CMTM4: variants seen among roughly 807,000 people sequenced by gnomAD.
CMTM4 encodes CKLF-like MARVEL transmembrane domain-containing protein 4.
CMTM4 carries 8 observed loss-of-function variants against 19.0 expected under a neutral mutation model. That is an observed-to-expected ratio of 0.42 (90% CI 0.25 to 0.76). The LOEUF is 0.76. Ranked by LOEUF, CMTM4 falls within the 30% of genes least tolerant of loss-of-function variation. The pLI is 0.27. For synonymous variants in CMTM4, 106 were observed against 121.1 expected (o/e 0.88, Z 0.82); for missense variants, 228 against 290.2 (o/e 0.79, Z 1.56).
chr16:66,636,344 T>C, intron 2 of CMTM4, 61 bp downstream of exon 2: 1 of 1,407,192 alleles, frequency 7.1e-7, no homozygotes, highest in Non-Finnish European at 9.8e-7. Flanking sequence ...AGATTCCAGC[T>C]TTTCCTTGGA....
At position 66,679,780 on chromosome 16, in the gene CMTM4, C is replaced by T. The variant is rs1162232304; in HGVS notation, c.186+16560G>A. Among the ~76,000 whole-genome samples, 4 of 148,250 alleles carry T rather than the reference C, an allele frequency of 2.7e-5. No homozygotes were observed. The East Asian group carries it at 6.0e-4, about 22-fold the overall frequency. ...TGGAAGTTTCAGTGAACTGAGATCA[C>T]ACCACTGCACTCCAGCCTGGGTGAC... On this transcript the variant is annotated intron_variant, in intron 1 of 3. Transcript: ENST00000394106.
chr16:66,655,163 T>G (rs2016375722), intron 1 of CMTM4, among the ~76,000 whole-genome samples: 1 of 152,140 alleles, frequency 6.6e-6, no homozygotes, highest in South Asian at 2.1e-4. Context: ...TTTCTAATTT[T>G]TGTAGAGACA....
intron 1 of CMTM4, among the ~76,000 whole-genome samples, chr16:66,655,771 T>G (rs1031603059): frequency 6.6e-6 from 1 of 151,944 alleles, no homozygotes; most frequent in Non-Finnish European, 1.5e-5. Context: ...CTGGAACCAG[T>G]GTAGAGGGGT....
At chr16:66,630,335 CT>C (rs2015828268) in intron 2 of CMTM4, among the ~76,000 whole-genome samples, 1 of 116,906 alleles carries the variant, frequency 8.6e-6, no homozygotes, top group African/African-American at 3.2e-5. Context: ...CTCCCTCTCC[CT>C]CTCCCCACAG....
At chr16:66,611,689 G>T (rs1248088042), downstream of CMTM4, among the ~76,000 whole-genome samples, 2 of 152,054 alleles carry the variant, frequency 1.3e-5, no homozygotes, top group Non-Finnish European at 2.9e-5. Flanking sequence ...GGGGGTTAGT[G>T]ACTCTGGTGC....
intron 2 of CMTM4, among the ~76,000 whole-genome samples, chr16:66,635,580 G>A (rs1215521342): frequency 6.6e-6 from 1 of 152,136 alleles, no homozygotes; most frequent in Admixed American, 6.5e-5. Flanking sequence ...CTCAGGCAAG[G>A]GTAGCTGGTC....
chr16:66,618,485 G>C lies in CMTM4; in HGVS notation c.*3573C>G. 2.0e-6 allele frequency: 2 copies of C among 985,482 alleles called. No individual in the cohort carries two copies. The highest frequency in any genetic ancestry group is 2.4e-6 in the Non-Finnish European group (2 of 829,958). The allele number at this position is 985,482 out of a possible 1,614,324, so 61.0% of individuals were successfully genotyped here. ...ACCCACAGAAAATCTGGCACAGAAA[G>C]GGATTAGACCTCAGTCCACCTCTCA... On this transcript the variant is annotated 3_prime_UTR_variant, in exon 4 of 4. Coordinates refer to ENST00000394106, the MANE Select transcript of CMTM4 (RefSeq NM_181521.3).
In CMTM4 at chr16:66,615,633, A is replaced by G. The variant is rs2015512719; in HGVS notation, c.*6425T>C. The stretch of plus-strand genomic sequence containing the variant: ...GCTGAGGTCCCCCAGGAAGCTTCCC[A>G]CTCTGCAGTGGCAGGAAGGCCATGC... On this transcript the variant is annotated 3_prime_UTR_variant, in exon 4 of 4. Transcript: ENST00000394106. The surrounding 1 kb of genome is among the most constrained non-coding windows in gnomAD (Gnocchi z 4.9). 1 of 152,190 alleles carries G rather than the reference A, an allele frequency of 6.6e-6. No homozygotes were observed. Among genetic ancestry groups the G allele is most frequent in the East Asian group, 1.9e-4 (1 of 5,196 alleles). The allele number at this position is 152,190 out of a possible 1,614,324, so 9.4% of individuals were successfully genotyped here.
Position 66,620,587 on chromosome 16 carries a change from C to A in CMTM4, c.*1471G>T, listed in dbSNP as rs1230792943. On this transcript the variant is annotated 3_prime_UTR_variant, in exon 4 of 4. Coordinates refer to ENST00000394106, the MANE Select transcript of CMTM4 (RefSeq NM_181521.3). The stretch of plus-strand genomic sequence containing the variant: ...GCTTTCTTGCACAGACCCCCCGCCG[C>A]CCCCTCGGAGTTATTTATTACACAG... 6.1e-6 allele frequency: 6 copies of A among 985,428 alleles called. No homozygotes were observed. Among genetic ancestry groups the A allele is most frequent in the Non-Finnish European group, 7.2e-6 (6 of 829,988 alleles). 61.0% of individuals were successfully genotyped at this position (985,428 alleles called of 1,614,324 possible).
At chr16:66,609,689 A>T in the CMTM4 span, 2 of 1,523,844 alleles carry the variant, frequency 1.3e-6, no homozygotes, top group East Asian at 4.9e-5. This position sits in a 1 kb window ranked among gnomAD's most constrained non-coding sequence, Gnocchi z 4.4. Context: ...GACTGACTCT[A>T]CCCGGGGTTT....
At chr16:66,623,585 G>C (rs1170623917) in intron 2 of CMTM4, 83 bp from the exon 3 acceptor site, 33 of 922,916 alleles carry the variant, frequency 3.6e-5, no homozygotes, top group Non-Finnish European at 4.4e-5. Context: ...TTCAAAATAA[G>C]ACCCACGATA....
downstream of CMTM4, among the ~76,000 whole-genome samples, chr16:66,611,478 C>T (rs2015374670): frequency 6.6e-6 from 1 of 152,034 alleles, no homozygotes; most frequent in South Asian, 2.1e-4. Flanking sequence ...TAGCAAAACC[C>T]ACAAAATCTG....
intron 1 of CMTM4, among the ~76,000 whole-genome samples, chr16:66,660,587 A>G (rs2016483479): frequency 6.6e-6 from 1 of 152,236 alleles, no homozygotes. Flanking sequence ...TGTTACACAC[A>G]ATGTGACTAG....
rs913760077 is a variant in CMTM4 at position 66,619,629 on chromosome 16, C to T, written c.*2429G>A. On this transcript the variant is annotated 3_prime_UTR_variant, in exon 4 of 4. Coordinates refer to ENST00000394106, the MANE Select transcript of CMTM4 (RefSeq NM_181521.3). ...AAAAATATAGGCGTCTTCATATTCA[C>T]CTTGGATAACCCTATTCCCTCCAGA... 3 of 985,290 alleles carry T rather than the reference C, an allele frequency of 3.0e-6. No individual in the cohort carries two copies. The highest frequency in any genetic ancestry group is 3.5e-5 in the African/African-American group (2 of 57,290). 61.0% of individuals were successfully genotyped at this position (985,290 alleles called of 1,614,324 possible). A position where few individuals can be genotyped will look rare whatever the true frequency, so the allele number is the denominator to read the frequency against.
In CMTM4 at chr16:66,617,247, A is replaced by G. The variant is rs756137545; in HGVS notation, c.*4811T>C. 1 of 1,604,744 alleles carries G rather than the reference A, an allele frequency of 6.2e-7. No homozygotes were observed. Among genetic ancestry groups the G allele is most frequent in the Non-Finnish European group, 8.5e-7 (1 of 1,174,510 alleles). ...CAAACTTACCCTATGAAATAGATAC[A>G]CAGTTCAAGGACCCATCATCTGAAC... On this transcript the variant is annotated 3_prime_UTR_variant, in exon 4 of 4. Transcript: ENST00000394106.
intron 3 of CMTM4, 84 bp downstream of exon 3, chr16:66,623,320 G>A: frequency 1.1e-6 from 1 of 919,184 alleles, no homozygotes; most frequent in Non-Finnish European, 1.7e-6. Context: ...CACAGGAGGG[G>A]GAGCAGGACA....
At chr16:66,663,613 G>A (rs1157618899) in intron 1 of CMTM4, among the ~76,000 whole-genome samples, 2 of 137,760 alleles carry the variant, frequency 1.5e-5, no homozygotes, top group Non-Finnish European at 3.0e-5. Flanking sequence ...TGCGATCTTG[G>A]CTCACTGCAA....
chr16:66,642,819 AGAAG>A (rs544358318), intron 1 of CMTM4, among the ~76,000 whole-genome samples: 443 of 152,342 alleles, frequency 2.9e-3, no homozygotes, highest in Middle Eastern at 0.02. Flanking sequence ...AAGCAGGAAG[AGAAG>A]GAAAGAGAGA....
At chr16:66,660,267 G>A (rs1008268348) in intron 1 of CMTM4, among the ~76,000 whole-genome samples, 2 of 151,850 alleles carry the variant, frequency 1.3e-5, no homozygotes, top group African/African-American at 4.8e-5. Flanking sequence ...ACATGTCTGT[G>A]GTCTCAGCCT....
Sources: gnomAD v4.1 joint callset for allele counts (sites outside exome capture counted in the v4.1 genomes callset) on GRCh38, gnomAD v4.1.1 for gene constraint, Gnocchi (gnomAD v3.1) non-coding constraint, MANE v1.5 for transcripts, NCBI Gene and HGNC (gene_info 2026-07-23, HGNC 2026-07-21) for gene names.